MIOS: variants seen among roughly 807,000 people sequenced by gnomAD.
The protein encoded by MIOS is GATOR2 complex protein MIOS.
MIOS carries 52 observed loss-of-function variants against 96.9 expected under a neutral mutation model. The observed-to-expected ratio is 0.54, with a 90% CI of 0.43 to 0.68. The LOEUF (loss-of-function observed/expected upper bound fraction) is 0.68, where lower values mean the gene tolerates loss of function less well. Ranked by LOEUF, MIOS falls within the 30% of genes least tolerant of loss-of-function variation. The pLI is 0.00. For missense variants in MIOS, 1,005 were observed against 1,052.8 expected (o/e 0.95, Z 0.63); for synonymous variants, 397 against 359.5 (o/e 1.10, Z -1.18).
At chr7:7,606,305 A>G (rs1426780401) in intron 12 of MIOS, among the ~76,000 whole-genome samples, 1 of 152,240 alleles carries the variant, frequency 6.6e-6, no homozygotes, top group Admixed American at 6.5e-5. Context: ...TGTATGAGTT[A>G]AATGTTTGAA....
At position 7,573,179 on chromosome 7, in the gene MIOS, A is replaced by G. The variant is rs1339805345; in HGVS notation, c.704A>G (p.Tyr235Cys). The part of the protein sequence containing the change: ...KAVQGVTVDP[Y>C]FHDRVASFYE... ...GTTCAGGGTGTGACGGTAGACCCAT[A>G]TTTCCACGATCGTGTTGCTTCCTTC... Residue 235 changes from tyrosine (Y) to cysteine (C), a missense_variant, in exon 4 of 13, where the codon TAT (tyrosine) becomes TGT (cysteine). Physicochemically the swap from Tyr to Cys is radical, Grantham distance 194 (BLOSUM62 -2). This residue lies in a region of MIOS where 865 missense variants were observed against 887.9 expected (regional missense o/e 0.97). Coordinates refer to ENST00000340080, the MANE Select transcript of MIOS (RefSeq NM_019005.4). The surrounding 1 kb of genome is among the most constrained non-coding windows in gnomAD (Gnocchi z 5.0). The G allele has an allele frequency of 1.9e-6, 3 of 1,613,950 alleles. No homozygotes were observed. The highest frequency in any genetic ancestry group is 2.2e-5 in the East Asian group (1 of 44,890).
chr7:7,580,491 C>T (rs1440053430), intron 5 of MIOS, among the ~76,000 whole-genome samples: 1 of 152,096 alleles, frequency 6.6e-6, no homozygotes, highest in African/African-American at 2.4e-5. Context: ...AATTATTTAA[C>T]TAATTTTTGT....
intron 9 of MIOS, among the ~76,000 whole-genome samples, chr7:7,590,651 C>A (rs961839557): frequency 4.6e-5 from 7 of 152,220 alleles, no homozygotes; most frequent in Admixed American, 3.9e-4. Flanking sequence ...TCCTTTCCTA[C>A]CTTATTTTGG....
chr7:7,595,845 A>G (rs182436694), intron 10 of MIOS, among the ~76,000 whole-genome samples: 1 of 152,152 alleles, frequency 6.6e-6, no homozygotes, highest in Non-Finnish European at 1.5e-5. Flanking sequence ...TACCATTATA[A>G]GTTTGTTAAC....
chr7:7,588,761 A>G (rs1480734821), intron 8 of MIOS, among the ~76,000 whole-genome samples, 198 bp downstream of exon 8: 1 of 152,120 alleles, frequency 6.6e-6, no homozygotes, highest in Non-Finnish European at 1.5e-5. Context: ...TACTGACAAT[A>G]TTTTAGTATA....
intron 5 of MIOS, among the ~76,000 whole-genome samples, chr7:7,575,744 T>C (rs1341800719): frequency 1.3e-5 from 2 of 152,190 alleles, no homozygotes; most frequent in Non-Finnish European, 2.9e-5. Context: ...AAATGTAATA[T>C]GTTTATGTTT....
Position 7,573,848 on chromosome 7 carries a change from A to C in MIOS, c.1294+79A>C. The C allele has an allele frequency of 7.8e-7, 1 of 1,280,202 alleles. No individual in the cohort carries two copies. The highest frequency in any genetic ancestry group is 1.1e-6 in the Non-Finnish European group (1 of 925,434). The allele number at this position is 1,280,202 out of a possible 1,614,324, so 79.3% of individuals were successfully genotyped here. A position where few individuals can be genotyped will look rare whatever the true frequency, so the allele number is the denominator to read the frequency against. On this transcript the variant is annotated intron_variant, in intron 4 of 12. Transcript: ENST00000340080. This position sits in a 1 kb window ranked among gnomAD's most constrained non-coding sequence, Gnocchi z 5.0. ...AGTTTGCCAAAAGGTCAGTCTGTAA[A>C]TATGCTCAATGTTTTATATACAAAT...
At chr7:7,599,556 C>T (rs975433439) in intron 11 of MIOS, among the ~76,000 whole-genome samples, 5 of 152,082 alleles carry the variant, frequency 3.3e-5, no homozygotes, top group South Asian at 2.1e-4. Flanking sequence ...GCAGGGAAGC[C>T]GTCCAGGTTG....
chr7:7,589,646 T>C, intron 9 of MIOS, 83 bp downstream of exon 9: 1 of 1,455,980 alleles, frequency 6.9e-7, no homozygotes, highest in Non-Finnish European at 9.3e-7. Flanking sequence ...ATATGCACTT[T>C]TGCTTGCTTA....
rs1784567072 is a variant in MIOS at position 7,607,602 on chromosome 7, G to T, written c.*510G>T. On this transcript the variant is annotated 3_prime_UTR_variant, in exon 13 of 13. Coordinates refer to ENST00000340080, the MANE Select transcript of MIOS (RefSeq NM_019005.4). ...TGCAGAGCCCCTATCCCACACTGGA[G>T]AATATTTTTTATTACTGTCTGTTAT... 6.5e-6 allele frequency: 1 copy of T among 152,888 alleles called. No individual in the cohort carries two copies. Among genetic ancestry groups the T allele is most frequent in the Non-Finnish European group, 1.5e-5 (1 of 68,624 alleles). 9.5% of individuals were successfully genotyped at this position (152,888 alleles called of 1,614,324 possible). A position where few individuals can be genotyped will look rare whatever the true frequency, so the allele number is the denominator to read the frequency against.
intron 12 of MIOS, among the ~76,000 whole-genome samples, 197 bp downstream of exon 12, chr7:7,606,268 C>G (rs544825946): frequency 1.3e-5 from 2 of 152,248 alleles, no homozygotes; most frequent in East Asian, 1.9e-4. Flanking sequence ...AAAGGTAATA[C>G]TTATGTAAGA....
intron 7 of MIOS, 119 bp from the exon 8 acceptor site, chr7:7,588,379 C>G: frequency 4.1e-6 from 2 of 485,462 alleles, no homozygotes; most frequent in South Asian, 7.8e-5. Flanking sequence ...ATAAATATAA[C>G]TTATTAATAA....
intron 8 of MIOS, among the ~76,000 whole-genome samples, 196 bp downstream of exon 8, chr7:7,588,759 ATATTT>A (rs1243457712): frequency 1.3e-5 from 2 of 152,158 alleles, no homozygotes; most frequent in African/African-American, 4.8e-5. Flanking sequence ...AATACTGACA[ATATTT>A]TAGTATATTT....
chr7:7,587,990 A>G (rs1783941573), intron 7 of MIOS, among the ~76,000 whole-genome samples: 1 of 152,164 alleles, frequency 6.6e-6, no homozygotes, highest in Non-Finnish European at 1.5e-5. Flanking sequence ...CTTTAGCCAC[A>G]AGAGTGTGTC....
At position 7,582,648 on chromosome 7, in the gene MIOS, A is replaced by C. The variant is rs1260430975; in HGVS notation, c.1394-470A>C. ...TGTACAGAGAAAGAAGGAAGAAAGC[A>C]AGATCACTTCTACTGGATTTCAGAC... is the stretch of plus-strand genomic sequence containing the variant. On this transcript the variant is annotated intron_variant, in intron 5 of 12. Coordinates refer to ENST00000340080, the MANE Select transcript of MIOS (RefSeq NM_019005.4). 3 of 978,484 alleles carry C rather than the reference A, an allele frequency of 3.1e-6. No individual in the cohort carries two copies. The African/African-American group carries it at 5.3e-5, about 17-fold the overall frequency. 60.6% of individuals were successfully genotyped at this position (978,484 alleles called of 1,614,324 possible).
At chr7:7,601,653 G>A (rs1183437602) in intron 11 of MIOS, among the ~76,000 whole-genome samples, 1 of 152,090 alleles carries the variant, frequency 6.6e-6, no homozygotes, top group Non-Finnish European at 1.5e-5. Context: ...ACAAGGAGGA[G>A]CTGGTACCAT....
intron 11 of MIOS, among the ~76,000 whole-genome samples, chr7:7,603,044 C>T (rs1197391531): frequency 6.6e-6 from 1 of 151,840 alleles, no homozygotes; most frequent in Non-Finnish European, 1.5e-5. Flanking sequence ...TGGATCCCTT[C>T]CTTACACCTT....
chr7:7,583,138 C>T lies in MIOS; in HGVS notation c.1414C>T (p.His472Tyr), dbSNP rs1464166326. 1.2e-6 allele frequency: 2 copies of T among 1,612,486 alleles called. No individual in the cohort carries two copies. Among genetic ancestry groups the T allele is most frequent in the East Asian group, 4.5e-5 (2 of 44,846 alleles). Residue 472 changes from histidine to tyrosine, a missense_variant, in exon 6 of 13, where the codon CAT becomes TAT. Around this residue, in one of 3 missense-constraint regions of MIOS, gnomAD observed 865 missense variants for 887.9 expected, o/e 0.97. Coordinates refer to ENST00000340080, the MANE Select transcript of MIOS (RefSeq NM_019005.4). Reference sequence around the variant, plus strand: ...TTTAGGAATGGTGGAAAGCAGCAGACATAATTGGAGTGGGTTGGATAAGCA... The same window carrying T: ...TTTAGGAATGGTGGAAAGCAGCAGATATAATTGGAGTGGGTTGGATAAGCA... ...SSLGMVESSRHNWSGLDKQSD... is the reference protein window; with the variant it reads ...SSLGMVESSRYNWSGLDKQSD...
intron 10 of MIOS, 86 bp downstream of exon 10, chr7:7,595,218 T>C: frequency 7.1e-7 from 1 of 1,408,586 alleles, no homozygotes; most frequent in Non-Finnish European, 9.6e-7. Context: ...ATTTTGCTTA[T>C]ATTGAGTTCC....
Sources: allele counts gnomAD v4.1 joint callset (sites outside exome capture counted in the v4.1 genomes callset), GRCh38; gene constraint gnomAD v4.1.1; regional missense constraint gnomAD v4.1.1; non-coding constraint Gnocchi (gnomAD v3.1); transcripts MANE v1.5; gene names NCBI Gene and HGNC (gene_info 2026-07-23, HGNC 2026-07-21).